Variants in RGS22 observed in about 807,000 individuals in gnomAD.
RGS22 encodes regulator of G-protein signaling 22.
Under a neutral mutation model 172.9 loss-of-function variants are expected in RGS22, and 148 were observed. The ratio of observed to expected loss-of-function variants is 0.86; its 90% CI spans 0.75 to 0.98. The LOEUF is 0.98. RGS22 is among the 50% of genes least tolerant of loss of function. The pLI is 0.00. For missense variants in RGS22, 1,347 were observed against 1,440.8 expected (o/e 0.93, Z 1.05); for synonymous variants, 458 against 480.2 (o/e 0.95, Z 0.60).
intron 23 of RGS22, among the ~76,000 whole-genome samples, chr8:99,970,544 G>C (rs556974845): frequency 1.3e-5 from 2 of 152,036 alleles, no homozygotes; most frequent in African/African-American, 2.4e-5. Context: ...TGATAAAGGG[G>C]ATATCAGCAC....
chr8:100,067,156 G>C (rs1176183337), intron 6 of RGS22, among the ~76,000 whole-genome samples: 1 of 152,140 alleles, frequency 6.6e-6, no homozygotes, highest in East Asian at 1.9e-4. Flanking sequence ...CTTAGTCTAA[G>C]AAACACTTGG....
intron 14 of RGS22, among the ~76,000 whole-genome samples, chr8:100,019,711 CT>C (rs1334984804): frequency 2.0e-5 from 3 of 151,616 alleles, no homozygotes; most frequent in Non-Finnish European, 4.4e-5. Context: ...TAATAAGTCC[CT>C]TTTTTTTAGA....
In RGS22 at chr8:99,965,389, G is replaced by T; in HGVS notation, c.3561C>A (p.Ile1187=). 6.2e-7 allele frequency: 1 copy of T among 1,613,514 alleles called. No homozygotes were observed. The highest frequency in any genetic ancestry group is 1.1e-5 in the South Asian group (1 of 90,994). The change falls in exon 24 of 28, where the codon ATC becomes ATA. Residue 1187 remains isoleucine (I), a synonymous_variant. Coordinates refer to ENST00000360863, the MANE Select transcript of RGS22 (RefSeq NM_015668.5). ...KQYANTSVPA[I]KTALLSDSFL... ...AGGAATCACTGAGTAAAGCAGTTTT[G>T]ATAGCAGGCACTGAAGTATTTGCAT...
At chr8:100,007,314 T>C (rs888333162) in intron 15 of RGS22, among the ~76,000 whole-genome samples, 1 of 152,194 alleles carries the variant, frequency 6.6e-6, no homozygotes, top group South Asian at 2.1e-4. Context: ...AATATAAACG[T>C]ATACATAGAT....
chr8:99,976,636 C>T (rs1811984441), intron 23 of RGS22, among the ~76,000 whole-genome samples: 1 of 152,220 alleles, frequency 6.6e-6, no homozygotes, highest in Non-Finnish European at 1.5e-5. Context: ...GCTGGGATTA[C>T]AGGCGTGAGC....
intron 12 of RGS22, among the ~76,000 whole-genome samples, chr8:100,040,788 T>C (rs1820014137): frequency 6.6e-6 from 1 of 152,214 alleles, no homozygotes; most frequent in Non-Finnish European, 1.5e-5. Context: ...AGACTACTTC[T>C]TTATAATAAG....
At chr8:100,104,302 G>A (rs1419842324) in intron 2 of RGS22, among the ~76,000 whole-genome samples, 3 of 151,830 alleles carry the variant, frequency 2.0e-5, no homozygotes, top group Non-Finnish European at 4.4e-5. Context: ...CTGGGTGACA[G>A]AGAGAGACCC....
At position 99,962,642 on chromosome 8, in the gene RGS22, C is replaced by A. The variant is rs561959003; in HGVS notation, c.3790+45G>T. 1.9e-6 allele frequency: 3 copies of A among 1,560,444 alleles called. No homozygotes were observed. The African/African-American group carries it at 4.1e-5, about 21-fold the overall frequency. ...GGCCAGGTGAGAGGCAAAACTCCATCAAAAAGAAAGAAACAACTGAAGATA... is the reference window on the plus strand; with the variant it reads ...GGCCAGGTGAGAGGCAAAACTCCATAAAAAAGAAAGAAACAACTGAAGATA... On this transcript the variant is annotated intron_variant, in intron 26 of 27. Transcript: ENST00000360863.
In RGS22 at chr8:100,051,465, AAT is replaced by A. The variant is rs1416831510; in HGVS notation, c.1689+1335_1689+1336del. Reference sequence around the variant, plus strand: ...ATTTATTTATATTATATTATATATAAATATATATTATATATATTTATATATAA... The same window carrying A: ...ATTTATTTATATTATATTATATATAAATATATTATATATATTTATATATAA... On this transcript the variant is annotated intron_variant, in intron 10 of 27. Transcript: ENST00000360863. Among the ~76,000 whole-genome samples, 60 of 110,162 alleles carry A rather than the reference AAT, an allele frequency of 5.4e-4. 1 individual carries two copies. Among genetic ancestry groups the A allele is most frequent in the African/African-American group, 1.2e-3 (34 of 28,516 alleles). The allele number at this position is 110,162 out of a possible 152,430, so 72.3% of individuals were successfully genotyped here. A position where few individuals can be genotyped will look rare whatever the true frequency, so the allele number is the denominator to read the frequency against.
At chr8:99,976,447 C>T (rs555957867) in intron 23 of RGS22, among the ~76,000 whole-genome samples, 86 of 152,124 alleles carry the variant, frequency 5.7e-4, no homozygotes, top group Non-Finnish European at 1.0e-3. Context: ...CTGCAAGCTC[C>T]GCCTCCCGGG....
chr8:99,979,771 T>C (rs975581038), intron 22 of RGS22, among the ~76,000 whole-genome samples: 4 of 152,226 alleles, frequency 2.6e-5, no homozygotes, highest in Admixed American at 1.3e-4. Context: ...AAAAATGCCT[T>C]CTCTATGCCT....
intron 3 of RGS22, among the ~76,000 whole-genome samples, chr8:100,090,114 A>T (rs1812461524): frequency 6.6e-6 from 1 of 152,178 alleles, no homozygotes; most frequent in Non-Finnish European, 1.5e-5. Context: ...CTAATTAGTG[A>T]AGGAAAAGAA....
At chr8:100,088,924 G>GACTGAGGGT (rs1207162629) in intron 3 of RGS22, among the ~76,000 whole-genome samples, 1 of 152,006 alleles carries the variant, frequency 6.6e-6, no homozygotes, top group Non-Finnish European at 1.5e-5. Context: ...TTTTGGTGGG[G>GACTGAGGGT]ACTGAGGGTA....
At chr8:100,012,524 G>C (rs1001884467) in intron 14 of RGS22, among the ~76,000 whole-genome samples, 27 of 152,006 alleles carry the variant, frequency 1.8e-4, no homozygotes, top group Non-Finnish European at 7.4e-5. Context: ...CGAGATTACA[G>C]TGAAATATGA....
rs1420174934 is a variant in RGS22 at position 100,051,799 on chromosome 8, TTATATATAAATGTTTA to T, written c.1689+987_1689+1002del. ...TATATATTTATATATAAATATATAT[TTATATATAAATGTTTA>T]TATATATTTATATATAAATGTTTAT... On this transcript the variant is annotated intron_variant, in intron 10 of 27. Coordinates refer to ENST00000360863, the MANE Select transcript of RGS22 (RefSeq NM_015668.5). 3.7e-3 allele frequency among the ~76,000 whole-genome samples: 162 copies of T among 43,518 alleles called. 6 individuals carry two copies. The highest frequency in any genetic ancestry group is 9.3e-3 in the South Asian group (10 of 1,078). 28.5% of individuals were successfully genotyped at this position (43,518 alleles called of 152,430 possible).
At chr8:99,977,765 AGTCTGAAGCT>A in intron 23 of RGS22, 142 bp downstream of exon 23, 1 of 586,764 alleles carries the variant, frequency 1.7e-6, no homozygotes, top group South Asian at 2.7e-5. Context: ...GAATTCCAAA[AGTCTGAAGCT>A]TCTGACTGAA....
rs374172601 is a variant in RGS22 at position 100,052,902 on chromosome 8, C to T, written c.1589G>A (p.Arg530His). ...ASAELKFWHL[R>H]QAKPRKDIDP... ...AATATCCTTCCTTGGTTTTGCTTGA[C>T]GGAGGTGCCAGAATTTCAGTTCAGC... Residue 530 changes from arginine (R) to histidine (H), a missense_variant, in exon 10 of 28, where the codon CGT becomes CAT. Arg to His is a conservative substitution (Grantham distance 29). Coordinates refer to ENST00000360863, the MANE Select transcript of RGS22 (RefSeq NM_015668.5). The T allele has an allele frequency of 1.4e-4, 220 of 1,614,014 alleles. No individual in the cohort carries two copies. Among genetic ancestry groups the T allele is most frequent in the South Asian group, 3.1e-4 (28 of 91,076 alleles).
intron 3 of RGS22, among the ~76,000 whole-genome samples, chr8:100,091,519 G>A (rs2131986116): frequency 6.6e-6 from 1 of 152,266 alleles, no homozygotes; most frequent in African/African-American, 2.4e-5. Flanking sequence ...TTCTGACTGG[G>A]TGGCAGGATT....
intron 14 of RGS22, among the ~76,000 whole-genome samples, chr8:100,024,262 C>A (rs1817935714): frequency 6.6e-6 from 1 of 152,146 alleles, no homozygotes; most frequent in Admixed American, 6.5e-5. Flanking sequence ...CCAAGCCCAG[C>A]CAAGAGCAAA....
Sources: allele counts gnomAD v4.1 joint callset (sites outside exome capture counted in the v4.1 genomes callset), GRCh38; gene constraint gnomAD v4.1.1; transcripts MANE v1.5; gene names NCBI Gene and HGNC (gene_info 2026-07-23, HGNC 2026-07-21).